Variants in CSMD1 observed in about 807,000 individuals in gnomAD.
CSMD1 encodes the protein CUB and sushi domain-containing protein 1.
In CSMD1, 213 loss-of-function variants were observed where a neutral mutation model predicts 417.5. The ratio of observed to expected loss-of-function variants is 0.51; its 90% CI spans 0.46 to 0.57. The LOEUF (loss-of-function observed/expected upper bound fraction) is 0.57. CSMD1 is among the 20% of genes least tolerant of loss of function. CSMD1 has a pLI of 0.00. For synonymous variants in CSMD1, 2,862 were observed against 1,736.8 expected (o/e 1.65, Z -16.11); for missense variants, 6,923 against 4,529.7 (o/e 1.53, Z -15.17).
At chr8:4,663,056 T>C (rs1347115014) in intron 1 of CSMD1, among the ~76,000 whole-genome samples, 1 of 152,202 alleles carries the variant, frequency 6.6e-6, no homozygotes, top group African/African-American at 2.4e-5. Context: ...CTGACTAACA[T>C]GACTGGAGAG....
chr8:3,395,750 C>G (rs1380088021), intron 17 of CSMD1, among the ~76,000 whole-genome samples: 2 of 152,134 alleles, frequency 1.3e-5, no homozygotes, highest in East Asian at 1.9e-4. Flanking sequence ...CCCAGTGAAA[C>G]GTGTCTATCT....
intron 3 of CSMD1, among the ~76,000 whole-genome samples, chr8:4,223,460 C>A (rs1801164901): frequency 6.6e-6 from 1 of 152,346 alleles, no homozygotes; most frequent in South Asian, 2.1e-4. Context: ...TGGCCCAGAC[C>A]ATGCCATGGC....
chr8:4,060,427 T>C (rs1478295661), intron 3 of CSMD1, among the ~76,000 whole-genome samples: 1 of 152,290 alleles, frequency 6.6e-6, no homozygotes, highest in East Asian at 1.9e-4. Context: ...CAACATAGTG[T>C]TGGAAGTTCT....
At chr8:4,408,214 G>A (rs1410082659) in intron 3 of CSMD1, among the ~76,000 whole-genome samples, 2 of 152,182 alleles carry the variant, frequency 1.3e-5, no homozygotes, top group African/African-American at 2.4e-5. Flanking sequence ...CAGGCCCCAG[G>A]CCATTCCTCC....
At chr8:3,040,919 G>C (rs1371900105) in intron 50 of CSMD1, among the ~76,000 whole-genome samples, 1 of 152,170 alleles carries the variant, frequency 6.6e-6, no homozygotes, top group Non-Finnish European at 1.5e-5. Flanking sequence ...GAAATTGTTT[G>C]CAGCATCATG....
At chr8:3,634,428 C>T (rs141916578) in intron 7 of CSMD1, among the ~76,000 whole-genome samples, 98 of 152,292 alleles carry the variant, frequency 6.4e-4, no homozygotes, top group African/African-American at 1.9e-3. Flanking sequence ...TGCGTGGGGT[C>T]ACACGTCATT....
chr8:4,900,107 C>A (rs1454011068), intron 1 of CSMD1, among the ~76,000 whole-genome samples: 3 of 152,104 alleles, frequency 2.0e-5, no homozygotes, highest in Non-Finnish European at 4.4e-5. Context: ...CACCTTCCAC[C>A]TTCCCATGCC....
chr8:4,549,921 GAA>G (rs1797796711), intron 2 of CSMD1, among the ~76,000 whole-genome samples: 1 of 90,518 alleles, frequency 1.1e-5, no homozygotes, highest in Non-Finnish European at 2.3e-5. Context: ...AAAAAAAAAA[GAA>G]AAGAAAAGAC....
At chr8:4,154,525 G>T (rs1011239147) in intron 3 of CSMD1, among the ~76,000 whole-genome samples, 1 of 152,176 alleles carries the variant, frequency 6.6e-6, no homozygotes, top group East Asian at 1.9e-4. Flanking sequence ...CCACTGTGGA[G>T]AAAGAGCAGA....
chr8:3,696,976 T>C (rs921129106), intron 7 of CSMD1, among the ~76,000 whole-genome samples: 1 of 152,118 alleles, frequency 6.6e-6, no homozygotes, highest in Non-Finnish European at 1.5e-5. Context: ...GGACTGTAGA[T>C]CGTAGGGGCC....
intron 3 of CSMD1, among the ~76,000 whole-genome samples, chr8:4,379,749 G>A (rs1421325440): frequency 4.6e-5 from 7 of 152,058 alleles, no homozygotes; most frequent in Admixed American, 3.9e-4. Flanking sequence ...TATGATAAAT[G>A]AGAAAAATCT....
At chr8:4,121,481 T>C (rs1474802921) in intron 3 of CSMD1, among the ~76,000 whole-genome samples, 1 of 152,208 alleles carries the variant, frequency 6.6e-6, no homozygotes, top group Non-Finnish European at 1.5e-5. Flanking sequence ...TTCTAGTTAC[T>C]TTCCTATTTC....
intron 5 of CSMD1, among the ~76,000 whole-genome samples, chr8:3,782,902 A>T (rs1351296757): frequency 6.6e-6 from 1 of 152,216 alleles, no homozygotes; most frequent in East Asian, 1.9e-4. Flanking sequence ...AAAAATAAAT[A>T]AATAAATAAA....
Position 3,399,384 on chromosome 8 carries a change from T to C in CSMD1, c.2405+7A>G, listed in dbSNP as rs1811900675. The C allele has an allele frequency of 6.3e-7, 1 of 1,594,386 alleles. No homozygotes were observed. The highest frequency in any genetic ancestry group is 8.5e-7 in the Non-Finnish European group (1 of 1,171,086). On this transcript the variant is annotated splice_region_variant and intron_variant, in intron 16 of 69. Coordinates refer to ENST00000635120, the MANE Select transcript of CSMD1 (RefSeq NM_033225.6). ...TGGGTCCAAATGAAGACTAATTTTT[T>C]TCTTACCTGTCAAAAGTTATTTTGA...
At chr8:4,266,444 A>G (rs116870184) in intron 3 of CSMD1, among the ~76,000 whole-genome samples, 7,942 of 104,440 alleles carry the variant, frequency 0.076, 2,939 homozygotes, top group Non-Finnish European at 0.13. Flanking sequence ...GTTAGGTTAT[A>G]TTGATGATTG....
chr8:4,572,662 C>T (rs953339981), intron 2 of CSMD1, among the ~76,000 whole-genome samples: 4 of 152,132 alleles, frequency 2.6e-5, no homozygotes, highest in African/African-American at 9.7e-5. Context: ...GAATGTTGGC[C>T]TGTCTTGCTA....
At chr8:4,447,830 G>C (rs1357008404) in intron 2 of CSMD1, among the ~76,000 whole-genome samples, 2 of 152,152 alleles carry the variant, frequency 1.3e-5, no homozygotes, top group Non-Finnish European at 1.5e-5. Flanking sequence ...ACGTTTCAAA[G>C]ATTTAAGTGA....
chr8:3,653,936 G>C (rs540809909), intron 7 of CSMD1, among the ~76,000 whole-genome samples: 2 of 152,282 alleles, frequency 1.3e-5, no homozygotes, highest in East Asian at 3.9e-4. Context: ...AAACTGACAA[G>C]TTTCATTTCA....
intron 4 of CSMD1, among the ~76,000 whole-genome samples, chr8:4,019,237 T>G (rs1585142697): frequency 6.6e-6 from 1 of 152,266 alleles, no homozygotes; most frequent in Non-Finnish European, 1.5e-5. Context: ...CTGAGTTAGG[T>G]CAGAGGCACT....
Sources: allele counts gnomAD v4.1 joint callset (sites outside exome capture counted in the v4.1 genomes callset), GRCh38; gene constraint gnomAD v4.1.1; transcripts MANE v1.5; gene names NCBI Gene and HGNC (gene_info 2026-07-23, HGNC 2026-07-21).